CALB2: variants seen among roughly 807,000 people sequenced by gnomAD.
The protein encoded by CALB2 is calbindin 2.
In CALB2, 34 loss-of-function variants were observed where a neutral mutation model predicts 45.9. The ratio of observed to expected loss-of-function variants is 0.74; its 90% CI spans 0.56 to 0.99. The LOEUF (loss-of-function observed/expected upper bound fraction) is 0.99, where lower values mean the gene tolerates loss of function less well. CALB2 is among the 50% of genes least tolerant of loss of function. The pLI, the probability that CALB2 is intolerant of heterozygous loss-of-function variation, is 0.00. For missense variants in CALB2, 344 were observed against 339.3 expected, an observed-to-expected ratio of 1.01 and a Z score of -0.11; for synonymous variants, 142 against 129.6, an observed-to-expected ratio of 1.10 and a Z score of -0.65.
chr16:71,387,568 G>C (rs2042585044), intron 10 of CALB2, among the ~76,000 whole-genome samples: 1 of 152,092 alleles, frequency 6.6e-6, no homozygotes, highest in Admixed American at 6.6e-5. Flanking sequence ...GGCTCCTCGA[G>C]GGGACAGGCT....
Position 71,358,815 on chromosome 16 carries a change from C to T in CALB2, c.23C>T (p.Pro8Leu). 6.2e-7 allele frequency: 1 copy of T among 1,610,780 alleles called. No homozygotes were observed. Among genetic ancestry groups the T allele is most frequent in the Non-Finnish European group, 8.5e-7 (1 of 1,179,294 alleles). MAGPQQQPPYLHLAELTA... is the reference protein window; with the variant it reads MAGPQQQLPYLHLAELTA... ...GCCATGGCTGGCCCGCAGCAGCAGC[C>T]CCCTTACCTGCACCTGGCCGAGCTG... is the stretch of plus-strand genomic sequence containing the variant. The change falls in exon 1 of 11, where the codon CCC (proline) becomes CTC (leucine). Residue 8 changes from proline to leucine, a missense_variant. Pro to Leu is a moderately conservative substitution (Grantham distance 98). Transcript: ENST00000302628.
At chr16:71,369,538 C>T (rs1378089838) in intron 1 of CALB2, among the ~76,000 whole-genome samples, 5 of 152,152 alleles carry the variant, frequency 3.3e-5, no homozygotes, top group African/African-American at 9.7e-5. Context: ...TGCTGCTCTG[C>T]GGGCTTCCCC....
chr16:71,364,606 C>T (rs2042263881), intron 1 of CALB2, among the ~76,000 whole-genome samples: 1 of 152,176 alleles, frequency 6.6e-6, no homozygotes, highest in Admixed American at 6.5e-5. Flanking sequence ...ACCCAATCTG[C>T]CCTATCCTTC....
In CALB2 at chr16:71,372,142, T is replaced by C. The variant is rs775909186; in HGVS notation, c.95-11T>C. 7 of 1,592,478 alleles carry C rather than the reference T, an allele frequency of 4.4e-6. No homozygotes were observed. The East Asian group carries it at 1.1e-4, about 25-fold the overall frequency. On this transcript the variant is annotated splice_polypyrimidine_tract_variant and intron_variant, in intron 1 of 10. Transcript: ENST00000302628. ...AGTGCTGAGATTGATTTTTTCTCTC[T>C]CTTTTTACAGGAAATGGGTATATTG...
chr16:71,373,228 G>A (rs2042373054), intron 2 of CALB2, among the ~76,000 whole-genome samples: 1 of 152,158 alleles, frequency 6.6e-6, no homozygotes, highest in South Asian at 2.1e-4. Context: ...CTGCGTGTCT[G>A]TTGGCCAATC....
intron 9 of CALB2, chr16:71,385,237 C>T (rs1188171076): frequency 8.9e-6 from 3 of 338,666 alleles, no homozygotes; most frequent in Non-Finnish European, 1.6e-5. Flanking sequence ...CCCCTGCCCA[C>T]ATGACTCCGG....
At chr16:71,359,396 G>A (rs1157084657) in intron 1 of CALB2, among the ~76,000 whole-genome samples, 2 of 152,190 alleles carry the variant, frequency 1.3e-5, no homozygotes, top group Non-Finnish European at 2.9e-5. Flanking sequence ...AATGGCATTG[G>A]GGGCCCTGAA....
intron 1 of CALB2, among the ~76,000 whole-genome samples, chr16:71,362,694 G>A (rs761818855): frequency 9.2e-5 from 14 of 152,094 alleles, no homozygotes; most frequent in African/African-American, 1.9e-4. Context: ...TTATAAGCCC[G>A]TTTTTATTAT....
chr16:71,359,973 C>T (rs1445363581), intron 1 of CALB2, among the ~76,000 whole-genome samples: 2 of 152,250 alleles, frequency 1.3e-5, no homozygotes, highest in Admixed American at 1.3e-4. Context: ...ATGCTGTCTC[C>T]AGAAGACAAG....
chr16:71,367,946 T>G (rs777044986), intron 1 of CALB2, among the ~76,000 whole-genome samples: 1 of 152,092 alleles, frequency 6.6e-6, no homozygotes, highest in Non-Finnish European at 1.5e-5. Flanking sequence ...CTGCCTCCAG[T>G]TTTCCTCCTT....
intron 10 of CALB2, 134 bp from the exon 11 acceptor site, chr16:71,389,615 A>G (rs1050199965): frequency 9.1e-6 from 7 of 771,920 alleles, no homozygotes; most frequent in Non-Finnish European, 1.6e-5. Flanking sequence ...CATGCTTTGC[A>G]TTCATCTAAG....
At chr16:71,380,432 C>G (rs1447213366) in intron 4 of CALB2, among the ~76,000 whole-genome samples, 2 of 149,134 alleles carry the variant, frequency 1.3e-5, no homozygotes, top group African/African-American at 4.9e-5. Context: ...CCTCAGCCTC[C>G]CGCCGAGCTC....
At chr16:71,382,685 C>A in intron 4 of CALB2, 34 bp from the exon 5 acceptor site, 1 of 1,605,632 alleles carries the variant, frequency 6.2e-7, no homozygotes, top group Non-Finnish European at 8.5e-7. Flanking sequence ...TTTGATACGT[C>A]TTTGCAAAGA....
chr16:71,370,840 C>A (rs1192205302), intron 1 of CALB2, among the ~76,000 whole-genome samples: 1 of 152,214 alleles, frequency 6.6e-6, no homozygotes, highest in Non-Finnish European at 1.5e-5. Context: ...CCCATCACAG[C>A]ACTGACCAGT....
chr16:71,371,779 A>G (rs1212327235), intron 1 of CALB2, among the ~76,000 whole-genome samples: 1 of 151,414 alleles, frequency 6.6e-6, no homozygotes, highest in Non-Finnish European at 1.5e-5. Context: ...CACCTTCTGA[A>G]CTCCAGGGAC....
chr16:71,374,238 T>C (rs772067368), intron 2 of CALB2, among the ~76,000 whole-genome samples: 3 of 152,232 alleles, frequency 2.0e-5, no homozygotes, highest in Admixed American at 6.5e-5. Flanking sequence ...CTCCTCCTCA[T>C]GTTCCTCCTG....
intron 1 of CALB2, among the ~76,000 whole-genome samples, 162 bp downstream of exon 1, chr16:71,359,048 G>A (rs2042212724): frequency 6.6e-6 from 1 of 152,160 alleles, no homozygotes; most frequent in African/African-American, 2.4e-5. Flanking sequence ...GGAGACATCC[G>A]GCTGCTCTGG....
rs549691602 is a variant in CALB2, at chr16:71,367,866, T to A, written c.95-4287T>A. The stretch of plus-strand genomic sequence containing the variant: ...CCCGGGAACCTCCTGCTGCCTGTGC[T>A]GCACAAGCTGAATTCAGAGAGGCGG... On this transcript the variant is annotated intron_variant, in intron 1 of 10. Coordinates refer to ENST00000302628, the MANE Select transcript of CALB2 (RefSeq NM_001740.5). Among the ~76,000 whole-genome samples, 8 of 152,298 alleles carry A rather than the reference T, an allele frequency of 5.3e-5. No individual in the cohort carries two copies. The East Asian group carries it at 1.4e-3, about 26-fold the overall frequency.
intron 10 of CALB2, among the ~76,000 whole-genome samples, chr16:71,388,141 A>T (rs76335258): frequency 6.6e-6 from 1 of 151,840 alleles, no homozygotes; most frequent in South Asian, 2.1e-4. Context: ...AGGGAAAAAA[A>T]TTTTAAGTAT....
Sources: allele counts gnomAD v4.1 joint callset (sites outside exome capture counted in the v4.1 genomes callset), GRCh38; gene constraint gnomAD v4.1.1; transcripts MANE v1.5; gene names NCBI Gene and HGNC (gene_info 2026-07-23, HGNC 2026-07-21).